CSMD1: variants seen among roughly 807,000 people sequenced by gnomAD.
CSMD1 encodes the protein CUB and Sushi multiple domains 1, also known as CUB and sushi domain-containing protein 1.
In CSMD1, 213 loss-of-function variants were observed where a neutral mutation model predicts 417.5. The ratio of observed to expected loss-of-function variants is 0.51; its 90% CI spans 0.46 to 0.57. The LOEUF (loss-of-function observed/expected upper bound fraction) is 0.57. Ranked by LOEUF, CSMD1 falls within the 20% of genes least tolerant of loss-of-function variation. The pLI, the probability that CSMD1 is intolerant of heterozygous loss-of-function variation, is 0.00. For synonymous variants in CSMD1, 2,862 were observed against 1,736.8 expected, an observed-to-expected ratio of 1.65 and a Z score of -16.11; for missense variants, 6,923 against 4,529.7, an observed-to-expected ratio of 1.53 and a Z score of -15.17.
At chr8:3,211,441 T>A (rs1246231500) in intron 30 of CSMD1, among the ~76,000 whole-genome samples, 3 of 152,296 alleles carry the variant, frequency 2.0e-5, no homozygotes. Context: ...GTGGCAGAGA[T>A]CGAGGTTGCA....
At chr8:4,218,725 C>T (rs143571765) in intron 3 of CSMD1, among the ~76,000 whole-genome samples, 1 of 152,314 alleles carries the variant, frequency 6.6e-6, no homozygotes, top group Non-Finnish European at 1.5e-5. Context: ...GTGATGGTGA[C>T]TGGTTTCAAT....
At chr8:2,995,066 T>C (rs115908120) in intron 54 of CSMD1, among the ~76,000 whole-genome samples, 2,762 of 152,268 alleles carry the variant, frequency 0.018, 86 homozygotes, top group African/African-American at 0.062. Flanking sequence ...AATTTAAAAC[T>C]TGTGCTGCTC....
At chr8:4,682,885 A>C (rs1806135976) in intron 1 of CSMD1, among the ~76,000 whole-genome samples, 1 of 148,630 alleles carries the variant, frequency 6.7e-6, no homozygotes, top group African/African-American at 2.5e-5. Flanking sequence ...TATTTTCTTA[A>C]TATTTTAATA....
chr8:3,577,478 T>C (rs190925294), intron 9 of CSMD1, among the ~76,000 whole-genome samples: 146 of 152,256 alleles, frequency 9.6e-4, no homozygotes, highest in Admixed American at 2.0e-3. Context: ...TTTTTGTCCA[T>C]TTTTTTATTA....
chr8:4,977,822 G>A (rs4517143), intron 1 of CSMD1, among the ~76,000 whole-genome samples: 98,568 of 152,138 alleles, frequency 0.65, 32,460 homozygotes, highest in Middle Eastern at 0.81. Flanking sequence ...TACTGAATAA[G>A]TATAGGGCTG....
chr8:3,940,562 T>G (rs1195232221), intron 5 of CSMD1, among the ~76,000 whole-genome samples: 1 of 151,476 alleles, frequency 6.6e-6, no homozygotes, highest in African/African-American at 2.4e-5. Flanking sequence ...GGTTTCTTTG[T>G]GTGGATATAG....
intron 50 of CSMD1, among the ~76,000 whole-genome samples, chr8:3,032,202 T>C (rs928617320): frequency 6.6e-6 from 1 of 151,902 alleles, no homozygotes; most frequent in African/African-American, 2.4e-5. Context: ...TTTCCAGAAA[T>C]TTGTGCAAAT....
chr8:4,946,280 C>G (rs928546926), intron 1 of CSMD1, among the ~76,000 whole-genome samples: 2 of 152,128 alleles, frequency 1.3e-5, no homozygotes, highest in Non-Finnish European at 2.9e-5. Context: ...ATGAAGAAAG[C>G]TTTTTCCCAA....
intron 23 of CSMD1, among the ~76,000 whole-genome samples, chr8:3,342,455 T>G (rs952503047): frequency 2.6e-5 from 4 of 152,342 alleles, no homozygotes; most frequent in East Asian, 3.9e-4. Flanking sequence ...AGTGAAGGAT[T>G]TGACAATTTT....
At chr8:4,357,326 C>T (rs1486299468) in intron 3 of CSMD1, among the ~76,000 whole-genome samples, 1 of 152,188 alleles carries the variant, frequency 6.6e-6, no homozygotes, top group Non-Finnish European at 1.5e-5. Context: ...GATATCATGC[C>T]TGTTGCGTAA....
At chr8:4,028,863 A>G (rs532714930) in intron 4 of CSMD1, among the ~76,000 whole-genome samples, 2 of 152,334 alleles carry the variant, frequency 1.3e-5, no homozygotes, top group South Asian at 2.1e-4. Flanking sequence ...CTCAAAAGAT[A>G]AATTTTTCTT....
At chr8:4,741,343 T>A (rs1432288433) in intron 1 of CSMD1, among the ~76,000 whole-genome samples, 1 of 152,258 alleles carries the variant, frequency 6.6e-6, no homozygotes, top group Non-Finnish European at 1.5e-5. Flanking sequence ...GACCATACTA[T>A]GTCTACATTA....
chr8:4,366,793 G>C (rs562556861), intron 3 of CSMD1, among the ~76,000 whole-genome samples: 1 of 152,060 alleles, frequency 6.6e-6, no homozygotes, highest in Non-Finnish European at 1.5e-5. Context: ...GTGCCATGCT[G>C]CTGTGCTGCA....
chr8:4,850,898 T>A (rs1801435456), intron 1 of CSMD1, among the ~76,000 whole-genome samples: 1 of 150,072 alleles, frequency 6.7e-6, no homozygotes, highest in Non-Finnish European at 1.5e-5. Flanking sequence ...TTGAAGATTG[T>A]TTCCCTTGCC....
intron 10 of CSMD1, among the ~76,000 whole-genome samples, chr8:3,547,177 G>C (rs965175255): frequency 1.2e-4 from 18 of 152,176 alleles, no homozygotes; most frequent in Admixed American, 3.9e-4. Context: ...TGAATACCTT[G>C]TCTTACACAA....
chr8:3,556,805 C>A (rs886469896), intron 10 of CSMD1, among the ~76,000 whole-genome samples: 13 of 152,160 alleles, frequency 8.5e-5, no homozygotes, highest in Non-Finnish European at 1.9e-4. Context: ...AAAGAGGCGA[C>A]CTTGGTGGAT....
At chr8:4,147,778 CAG>C (rs1554470131) in intron 3 of CSMD1, among the ~76,000 whole-genome samples, 1 of 152,084 alleles carries the variant, frequency 6.6e-6, no homozygotes, top group Non-Finnish European at 1.5e-5. Flanking sequence ...CATGTGAGAT[CAG>C]AGCCTGACCC....
intron 62 of CSMD1, among the ~76,000 whole-genome samples, chr8:2,959,832 T>G (rs933888605): frequency 3.9e-5 from 6 of 152,178 alleles, no homozygotes; most frequent in African/African-American, 9.6e-5. Context: ...ATAAAAACAT[T>G]TGGGGAGAGC....
intron 12 of CSMD1, among the ~76,000 whole-genome samples, chr8:3,431,846 C>A (rs539256629): frequency 6.6e-6 from 1 of 152,228 alleles, no homozygotes; most frequent in East Asian, 1.9e-4. Context: ...CATTTCCTAC[C>A]AGCCTGCCAC....
Sources: gnomAD v4.1 joint callset for allele counts (sites outside exome capture counted in the v4.1 genomes callset) on GRCh38, gnomAD v4.1.1 for gene constraint, MANE v1.5 for transcripts, NCBI Gene and HGNC (gene_info 2026-07-23, HGNC 2026-07-21) for gene names.